TPD52L1: variants seen among roughly 807,000 people sequenced by gnomAD.
The protein encoded by TPD52L1 is tumor protein D53.
In TPD52L1, 18 loss-of-function variants were observed where a neutral mutation model predicts 28.7. The ratio of observed to expected loss-of-function variants is 0.63; its 90% CI spans 0.43 to 0.93. TPD52L1 has a LOEUF of 0.93. TPD52L1 is among the 40% of genes least tolerant of loss of function. TPD52L1 has a pLI of 0.00. For missense variants in TPD52L1, 203 were observed against 254.8 expected, an observed-to-expected ratio of 0.80 and a Z score of 1.39; for synonymous variants, 75 against 88.8, an observed-to-expected ratio of 0.84 and a Z score of 0.88.
chr6:125,237,357 A>G (rs1796328355), intron 3 of TPD52L1, among the ~76,000 whole-genome samples: 1 of 152,150 alleles, frequency 6.6e-6, no homozygotes, highest in African/African-American at 2.4e-5. Flanking sequence ...ACTAAGGTGG[A>G]GAGTAGTGGA....
intron 1 of TPD52L1, among the ~76,000 whole-genome samples, chr6:125,160,582 A>G (rs967294377): frequency 6.6e-6 from 1 of 152,184 alleles, no homozygotes; most frequent in Non-Finnish European, 1.5e-5. Context: ...TGAGCATGTA[A>G]CTTAAAGTCA....
intron 1 of TPD52L1, among the ~76,000 whole-genome samples, chr6:125,210,454 A>C (rs1011923188): frequency 2.0e-5 from 3 of 152,208 alleles, no homozygotes; most frequent in African/African-American, 7.2e-5. Context: ...ATGCCAAATG[A>C]CCATAGGGCT....
At chr6:125,230,387 T>G (rs1010008167) in intron 3 of TPD52L1, among the ~76,000 whole-genome samples, 1 of 152,166 alleles carries the variant, frequency 6.6e-6, no homozygotes, top group Non-Finnish European at 1.5e-5. Context: ...GCCGTAACTT[T>G]AGTCCCAAAT....
intron 1 of TPD52L1, among the ~76,000 whole-genome samples, chr6:125,179,202 C>A (rs987423457): frequency 6.6e-6 from 1 of 152,210 alleles, no homozygotes; most frequent in African/African-American, 2.4e-5. Context: ...TTAATTTTAG[C>A]TCTCCAAGAG....
At chr6:125,216,884 A>C (rs1434370250) in intron 1 of TPD52L1, among the ~76,000 whole-genome samples, 2 of 152,108 alleles carry the variant, frequency 1.3e-5, no homozygotes, top group Non-Finnish European at 2.9e-5. Flanking sequence ...AAGGATGTGA[A>C]TACCAGGGAC....
At chr6:125,172,165 C>CTTTCT (rs1562211911) in intron 1 of TPD52L1, among the ~76,000 whole-genome samples, 2 of 69,564 alleles carry the variant, frequency 2.9e-5, no homozygotes, top group Non-Finnish European at 3.1e-5. Flanking sequence ...TCTTTTCTTT[C>CTTTCT]TTTCTTTCTT....
At position 125,166,150 on chromosome 6, in the gene TPD52L1, A is replaced by G. The variant is rs1335682618; in HGVS notation, c.19+12180A>G. On this transcript the variant is annotated intron_variant, in intron 1 of 6. Transcript: ENST00000534000. ...ATATTCACGGAAGCAGAACTGATTCATTCAAAAGAAAAAGCCAATTTGGGA... is the reference window on the plus strand; with the variant it reads ...ATATTCACGGAAGCAGAACTGATTCGTTCAAAAGAAAAAGCCAATTTGGGA... Among the ~76,000 whole-genome samples the G allele has an allele frequency of 2.0e-5, 3 of 152,208 alleles. No individual in the cohort carries two copies. The East Asian group carries it at 5.8e-4, about 29-fold the overall frequency.
intron 1 of TPD52L1, among the ~76,000 whole-genome samples, chr6:125,178,935 A>T (rs1340214136): frequency 6.6e-6 from 1 of 152,200 alleles, no homozygotes; most frequent in Non-Finnish European, 1.5e-5. Context: ...TGAACTTATT[A>T]TTGTTTGTCC....
chr6:125,172,161 C>CTTTCTTTCT (rs1791428526), intron 1 of TPD52L1, among the ~76,000 whole-genome samples: 8 of 50,610 alleles, frequency 1.6e-4, no homozygotes, highest in Admixed American at 8.5e-4. Context: ...TCTTTCTTTT[C>CTTTCTTTCT]TTTCTTTCTT....
intron 1 of TPD52L1, among the ~76,000 whole-genome samples, chr6:125,156,463 C>CAAAAAATAAAAAAA (rs1790130206): frequency 2.7e-5 from 1 of 37,220 alleles, no homozygotes; most frequent in East Asian, 6.0e-4. Context: ...GACCTTGTCT[C>CAAAAAATAAAAAAA]AAAAAAAAAA....
intron 1 of TPD52L1, among the ~76,000 whole-genome samples, chr6:125,211,768 G>T (rs1050511081): frequency 4.6e-4 from 70 of 152,098 alleles, no homozygotes; most frequent in Admixed American, 2.0e-4. Flanking sequence ...AAAACTTCAC[G>T]GCAACAGGAA....
rs1328818640 is a variant in TPD52L1 at position 125,211,015 on chromosome 6, A to G, written c.20-9063A>G. On this transcript the variant is annotated intron_variant, in intron 1 of 6. Transcript: ENST00000534000. ...AAAATATCGGGATGAATTCTGCAGG[A>G]CAGAGCCAGGACTCTTCCATGAGTC... is the stretch of plus-strand genomic sequence containing the variant. Among the ~76,000 whole-genome samples, 7 of 152,184 alleles carry G rather than the reference A, an allele frequency of 4.6e-5. No individual in the cohort carries two copies. In the East Asian group the frequency reaches 1.2e-3, roughly 25 times the overall value.
intron 1 of TPD52L1, among the ~76,000 whole-genome samples, chr6:125,167,094 T>TA (rs920955503): frequency 2.1e-4 from 32 of 152,020 alleles, no homozygotes; most frequent in Non-Finnish European, 4.3e-4. Context: ...TCGTCTCTAC[T>TA]AAAAATAATA....
chr6:125,248,261 G>A (rs370201802), intron 3 of TPD52L1, 21 bp from the exon 4 acceptor site: 1 of 1,589,550 alleles, frequency 6.3e-7, no homozygotes, highest in African/African-American at 1.3e-5. Flanking sequence ...TAAAAACCAT[G>A]TTGTTCTGTT....
At chr6:125,157,002 A>G (rs901644313) in intron 1 of TPD52L1, among the ~76,000 whole-genome samples, 21 of 152,220 alleles carry the variant, frequency 1.4e-4, no homozygotes, top group African/African-American at 5.1e-4. Context: ...AACTTCTCAC[A>G]AACTGTTTAT....
chr6:125,179,733 C>A (rs1792062210), intron 1 of TPD52L1, among the ~76,000 whole-genome samples: 1 of 152,082 alleles, frequency 6.6e-6, no homozygotes, highest in South Asian at 2.1e-4. Context: ...TATTTTCATT[C>A]AATAGAACTA....
At position 125,244,956 on chromosome 6, in the gene TPD52L1, C is replaced by T. The variant is rs1245940883; in HGVS notation, c.285-3326C>T. 1.2e-4 allele frequency among the ~76,000 whole-genome samples: 19 copies of T among 152,294 alleles called. 1 individual carries two copies. The South Asian group carries it at 2.7e-3, about 22-fold the overall frequency. On this transcript the variant is annotated intron_variant, in intron 3 of 6. Transcript: ENST00000534000. ...TCGCCCCCTTCCCTTAGAAATGGGA[C>T]ATCCTGAGAGCTGGACTGCAGTGAT...
At chr6:125,162,433 A>G (rs1790583425) in intron 1 of TPD52L1, among the ~76,000 whole-genome samples, 1 of 152,198 alleles carries the variant, frequency 6.6e-6, no homozygotes, top group Admixed American at 6.5e-5. Context: ...TTTGTGGCCT[A>G]TAAGAAGATG....
chr6:125,225,474 T>C (rs958076696), intron 2 of TPD52L1, among the ~76,000 whole-genome samples: 1 of 152,198 alleles, frequency 6.6e-6, no homozygotes, highest in African/African-American at 2.4e-5. Context: ...CTGCCAGTAA[T>C]GTACAAAGGT....
Sources: gnomAD v4.1 joint callset for allele counts (sites outside exome capture counted in the v4.1 genomes callset) on GRCh38, gnomAD v4.1.1 for gene constraint, MANE v1.5 for transcripts, NCBI Gene and HGNC (gene_info 2026-07-23, HGNC 2026-07-21) for gene names.